ATP6V1H: variants seen among roughly 807,000 people sequenced by gnomAD.
The protein encoded by ATP6V1H is ATPase H+ transporting V1 subunit H, also known as V-type proton ATPase subunit H.
ATP6V1H carries 39 observed loss-of-function variants against 71.7 expected under a neutral mutation model. The ratio of observed to expected loss-of-function variants is 0.54; its 90% CI spans 0.42 to 0.71. ATP6V1H has a LOEUF of 0.71. Among genes scored for constraint, ATP6V1H ranks in the 30% least tolerant of loss-of-function variants. The pLI, the probability that ATP6V1H is intolerant of heterozygous loss-of-function variation, is 0.00. For missense variants in ATP6V1H, 509 were observed against 594.9 expected (o/e 0.86, Z 1.50); for synonymous variants, 192 against 199.3 (o/e 0.96, Z 0.31).
intron 12 of ATP6V1H, among the ~76,000 whole-genome samples, chr8:53,744,141 AGGGAACAG>A (rs1321125148): frequency 6.6e-6 from 1 of 152,164 alleles, no homozygotes; most frequent in Non-Finnish European, 1.5e-5. Context: ...TGTAGATAGC[AGGGAACAG>A]GGGGTTAAAG....
intron 4 of ATP6V1H, among the ~76,000 whole-genome samples, chr8:53,818,436 G>GT (rs869150984): frequency 6.6e-6 from 1 of 152,076 alleles, no homozygotes; most frequent in Non-Finnish European, 1.5e-5. Flanking sequence ...ATATAGTGGG[G>GT]TTTTTTGGTT....
intron 4 of ATP6V1H, among the ~76,000 whole-genome samples, chr8:53,821,042 T>A (rs1585826066): frequency 2.3e-4 from 25 of 108,614 alleles, no homozygotes; most frequent in East Asian, 8.5e-4. Context: ...AGAAAGAGAA[T>A]AAAACAAACA....
At chr8:53,801,327 AT>A (rs1408747741) in intron 8 of ATP6V1H, among the ~76,000 whole-genome samples, 1 of 152,220 alleles carries the variant, frequency 6.6e-6, no homozygotes, top group Non-Finnish European at 1.5e-5. Flanking sequence ...GTAAAACAAG[AT>A]TTCCATTGTT....
intron 11 of ATP6V1H, among the ~76,000 whole-genome samples, chr8:53,760,501 T>A (rs1808234009): frequency 6.6e-6 from 1 of 152,206 alleles, no homozygotes. Flanking sequence ...CACTTGGCCC[T>A]CTTCCAAGTG....
In ATP6V1H at chr8:53,715,861, A is replaced by C; in HGVS notation, c.*103T>G. 4 of 955,604 alleles carry C rather than the reference A, an allele frequency of 4.2e-6. No individual in the cohort carries two copies. The highest frequency in any genetic ancestry group is 6.2e-6 in the Non-Finnish European group (4 of 643,692). 59.2% of individuals were successfully genotyped at this position (955,604 alleles called of 1,614,324 possible). A position where few individuals can be genotyped will look rare whatever the true frequency, so the allele number is the denominator to read the frequency against. On this transcript the variant is annotated 3_prime_UTR_variant, in exon 14 of 14. Transcript: ENST00000359530. The stretch of plus-strand genomic sequence containing the variant: ...AGCATTGGGAAAAGCTATATAACAG[A>C]GGAAATTCCAAGTAAAATCAAACAG...
intron 4 of ATP6V1H, among the ~76,000 whole-genome samples, chr8:53,826,874 C>T (rs1810837940): frequency 6.6e-6 from 1 of 151,808 alleles, no homozygotes; most frequent in Admixed American, 6.6e-5. Context: ...ATTGCTTGAA[C>T]CCAGGAGGCA....
chr8:53,724,703 C>G (rs1164688113), intron 13 of ATP6V1H, among the ~76,000 whole-genome samples: 1 of 151,632 alleles, frequency 6.6e-6, no homozygotes, highest in African/African-American at 2.4e-5. Flanking sequence ...CTGGTCTGCC[C>G]AGCCCACCCC....
intron 13 of ATP6V1H, among the ~76,000 whole-genome samples, chr8:53,729,847 C>G (rs558803629): frequency 6.6e-6 from 1 of 152,272 alleles, no homozygotes; most frequent in Non-Finnish European, 1.5e-5. Context: ...TGTACTAGCC[C>G]AGGTCATCCT....
intron 11 of ATP6V1H, among the ~76,000 whole-genome samples, chr8:53,767,883 A>C (rs1477216160): frequency 6.6e-6 from 1 of 152,224 alleles, no homozygotes; most frequent in East Asian, 1.9e-4. Flanking sequence ...CATGGGAGTA[A>C]ATCAGTTTTG....
intron 13 of ATP6V1H, among the ~76,000 whole-genome samples, chr8:53,737,759 G>A (rs766198794): frequency 6.6e-6 from 1 of 152,210 alleles, no homozygotes; most frequent in African/African-American, 2.4e-5. Context: ...ATTTAAAAAT[G>A]TAACTGCTGC....
intron 7 of ATP6V1H, among the ~76,000 whole-genome samples, chr8:53,803,293 C>T (rs778237984): frequency 2.4e-4 from 37 of 151,836 alleles, no homozygotes; most frequent in Non-Finnish European, 4.1e-4. Flanking sequence ...GCCAAGATCA[C>T]GCCACTGCAC....
intron 11 of ATP6V1H, among the ~76,000 whole-genome samples, chr8:53,766,601 T>C (rs56321533): frequency 0.052 from 7,851 of 152,306 alleles, 589 homozygotes; most frequent in African/African-American, 0.17. Context: ...GAAATATCGC[T>C]GAATTCTTTT....
Position 53,819,697 on chromosome 8 carries a change from T to C in ATP6V1H, c.307-2167A>G, listed in dbSNP as rs529838202. On this transcript the variant is annotated intron_variant, in intron 4 of 13. Transcript: ENST00000359530. ...ACATATGTATATACAAATGTATATATGTATATACGTATATACATATACTTT... is the reference window on the plus strand; with the variant it reads ...ACATATGTATATACAAATGTATATACGTATATACGTATATACATATACTTT... Among the ~76,000 whole-genome samples, 68 of 124,346 alleles carry C rather than the reference T, an allele frequency of 5.5e-4. 1 individual carries two copies. In the South Asian group the frequency reaches 0.014, roughly 25 times the overall value. 81.6% of individuals were successfully genotyped at this position (124,346 alleles called of 152,430 possible). A position where few individuals can be genotyped will look rare whatever the true frequency, so the allele number is the denominator to read the frequency against.
intron 4 of ATP6V1H, among the ~76,000 whole-genome samples, chr8:53,823,061 C>CA (rs917576754): frequency 7.3e-5 from 11 of 150,582 alleles, no homozygotes; most frequent in African/African-American, 1.7e-4. Context: ...ACTCTTAGTA[C>CA]AAAAAAAACC....
intron 11 of ATP6V1H, among the ~76,000 whole-genome samples, chr8:53,765,896 A>C (rs368756240): frequency 2.2e-4 from 33 of 152,240 alleles, no homozygotes; most frequent in African/African-American, 7.5e-4. Context: ...ATTTACTATA[A>C]AGCCACAGTA....
rs368462009 is a variant in ATP6V1H at position 53,715,958 on chromosome 8, G to A, written c.*6C>T. ...ATTGAGGCGGAGGGGAAGGCCAGAG[G>A]CAGGCTTAGCTTCGGGCGGCAGCGG... On this transcript the variant is annotated 3_prime_UTR_variant, in exon 14 of 14. Transcript: ENST00000359530. 8.1e-6 allele frequency: 13 copies of A among 1,608,066 alleles called. No individual in the cohort carries two copies. The African/African-American group carries it at 1.6e-4, about 20-fold the overall frequency.
At chr8:53,720,946 A>G (rs907317450) in intron 13 of ATP6V1H, among the ~76,000 whole-genome samples, 3 of 152,218 alleles carry the variant, frequency 2.0e-5, no homozygotes, top group Non-Finnish European at 4.4e-5. Context: ...TGGGTTTGTC[A>G]TAACGATCAT....
intron 1 of ATP6V1H, 75 bp from the exon 2 acceptor site, chr8:53,841,800 G>A: frequency 7.5e-6 from 10 of 1,337,390 alleles, no homozygotes; most frequent in Non-Finnish European, 1.0e-5. Flanking sequence ...TTATGATTAT[G>A]AATATCGTGA....
chr8:53,758,723 T>G (rs1364505006), intron 11 of ATP6V1H, among the ~76,000 whole-genome samples: 2 of 152,214 alleles, frequency 1.3e-5, no homozygotes, highest in African/African-American at 4.8e-5. Context: ...ACTGACATTC[T>G]GAATACATCA....
Sources: gnomAD v4.1 joint callset for allele counts (sites outside exome capture counted in the v4.1 genomes callset) on GRCh38, gnomAD v4.1.1 for gene constraint, MANE v1.5 for transcripts, NCBI Gene and HGNC (gene_info 2026-07-23, HGNC 2026-07-21) for gene names.